Variants in HIRA observed in about 807,000 individuals in gnomAD.
HIRA encodes the protein protein HIRA.
A neutral mutation model predicts 126.6 loss-of-function variants in HIRA; 13 were observed. That is an observed-to-expected ratio of 0.10 (90% CI 0.07 to 0.16). The LOEUF is 0.16. Ranked by LOEUF, HIRA falls within the 10% of genes least tolerant of loss-of-function variation. The pLI, the probability that HIRA is intolerant of heterozygous loss-of-function variation, is 1.00. For synonymous variants in HIRA, 511 were observed against 520.0 expected, an observed-to-expected ratio of 0.98 and a Z score of 0.24; for missense variants, 834 against 1,314.4, an observed-to-expected ratio of 0.63 and a Z score of 5.65.
At chr22:19,358,127 G>C (rs1734107102) in intron 18 of HIRA, among the ~76,000 whole-genome samples, 1 of 152,228 alleles carries the variant, frequency 6.6e-6, no homozygotes, top group African/African-American at 2.4e-5. Flanking sequence ...AGCCTCCCGA[G>C]TAGCTGGGAT....
chr22:19,391,918 A>T (rs1473482748), intron 9 of HIRA, among the ~76,000 whole-genome samples, 183 bp downstream of exon 9: 1 of 152,214 alleles, frequency 6.6e-6, no homozygotes, highest in African/African-American at 2.4e-5. Context: ...GCACAGACCC[A>T]GTCTTCAGCA....
At position 19,383,624 on chromosome 22, in the gene HIRA, T is replaced by C. The variant is rs1342483652; in HGVS notation, c.1411A>G (p.Thr471Ala). 1.9e-6 allele frequency: 3 copies of C among 1,612,082 alleles called. No individual in the cohort carries two copies. The African/African-American group carries it at 4.0e-5, about 22-fold the overall frequency. Residue 471 changes from threonine (T) to alanine (A), a missense_variant, in exon 13 of 25, where the codon ACT becomes GCT. Physicochemically the swap from Thr to Ala is moderately conservative, Grantham distance 58. Transcript: ENST00000263208. ...GAAAGGGGAATGAACCAGTACCCAG[T>C]GTCCAGCTGTGCTATGCAGAGAGGC... ...ITPLCIAQLD[T>A]GDFSTAFFNS...
At chr22:19,414,822 G>C (rs2089382461) in intron 1 of HIRA, among the ~76,000 whole-genome samples, 1 of 152,218 alleles carries the variant, frequency 6.6e-6, no homozygotes, top group South Asian at 2.1e-4. Flanking sequence ...AGGAGTTTGA[G>C]ACCAGCCTGA....
chr22:19,404,778 A>C (rs2089295384), intron 5 of HIRA, among the ~76,000 whole-genome samples: 1 of 152,118 alleles, frequency 6.6e-6, no homozygotes, highest in Non-Finnish European at 1.5e-5. Context: ...TGTTGTCCTT[A>C]GGGTCTCAGC....
intron 1 of HIRA, among the ~76,000 whole-genome samples, chr22:19,413,904 C>T (rs906526388): frequency 2.0e-4 from 31 of 152,136 alleles, no homozygotes; most frequent in African/African-American, 7.0e-4. Flanking sequence ...TCCCGGCCAC[C>T]GTGCCCGGCC....
intron 15 of HIRA, among the ~76,000 whole-genome samples, chr22:19,367,989 CTG>C (rs2088929227): frequency 6.6e-6 from 1 of 152,194 alleles, no homozygotes; most frequent in Admixed American, 6.5e-5. Flanking sequence ...TCTCATAATG[CTG>C]TGTTAAACAT....
intron 1 of HIRA, 145 bp from the exon 2 acceptor site, chr22:19,410,923 C>T: frequency 2.8e-6 from 2 of 706,566 alleles, no homozygotes; most frequent in Non-Finnish European, 4.9e-6. Context: ...TGGGAGAAAG[C>T]ATTCCATCAC....
intron 13 of HIRA, among the ~76,000 whole-genome samples, chr22:19,381,286 C>G (rs2089071125): frequency 6.6e-6 from 1 of 152,182 alleles, no homozygotes; most frequent in Non-Finnish European, 1.5e-5. Flanking sequence ...AGTTGATTCT[C>G]TTATAAACCA....
In HIRA at chr22:19,351,678, G is replaced by T. The variant is rs549176337; in HGVS notation, c.2849-232C>A. ...TCACTTGCTCACTCCCCTGACATCT[G>T]TAGTGCCTCCTCTGTGTGTTGGGCC... On this transcript the variant is annotated intron_variant, in intron 23 of 24. Transcript: ENST00000263208. The surrounding 1 kb of genome is among the most constrained non-coding windows in gnomAD (Gnocchi z 4.8). Among the ~76,000 whole-genome samples the T allele has an allele frequency of 6.6e-6, 1 of 152,162 alleles. No homozygotes were observed. Among genetic ancestry groups the T allele is most frequent in the Non-Finnish European group, 1.5e-5 (1 of 68,036 alleles).
At chr22:19,391,417 A>G (rs1022841481) in intron 9 of HIRA, among the ~76,000 whole-genome samples, 3 of 152,088 alleles carry the variant, frequency 2.0e-5, no homozygotes, top group Non-Finnish European at 4.4e-5. Flanking sequence ...GTGTGTAAAC[A>G]TGTATGACAA....
intron 24 of HIRA, among the ~76,000 whole-genome samples, chr22:19,349,725 G>A (rs1225903761): frequency 1.3e-5 from 2 of 152,144 alleles, no homozygotes; most frequent in Non-Finnish European, 2.9e-5. Flanking sequence ...GTACACCACA[G>A]TCAAATTTAA....
chr22:19,407,756 C>T (rs753625498), intron 3 of HIRA, among the ~76,000 whole-genome samples: 9 of 152,204 alleles, frequency 5.9e-5, no homozygotes, highest in Admixed American at 2.6e-4. Flanking sequence ...CTGTCACATT[C>T]GGATTTTCCA....
At chr22:19,356,708 C>T (rs2088815734) in intron 19 of HIRA, among the ~76,000 whole-genome samples, 182 bp downstream of exon 19, 1 of 152,058 alleles carries the variant, frequency 6.6e-6, no homozygotes, top group South Asian at 2.1e-4. Flanking sequence ...GCACACTACC[C>T]CTCAGCCCTC....
intron 15 of HIRA, among the ~76,000 whole-genome samples, chr22:19,370,172 C>T (rs1331089212): frequency 6.6e-6 from 1 of 152,028 alleles, no homozygotes; most frequent in African/African-American, 2.4e-5. Flanking sequence ...AGGCTGGTCT[C>T]CAACTCCTAA....
chr22:19,410,372 T>A (rs1380218098), intron 2 of HIRA, among the ~76,000 whole-genome samples: 1 of 152,162 alleles, frequency 6.6e-6, no homozygotes, highest in South Asian at 2.1e-4. Flanking sequence ...ATGAGAAAAA[T>A]GCTGACAGAG....
chr22:19,396,705 CCAGCTCCCTCT>C, intron 7 of HIRA, 71 bp downstream of exon 7: 2 of 1,478,728 alleles, frequency 1.4e-6, no homozygotes, highest in South Asian at 2.4e-5. Context: ...TGGCCCATGG[CCAGCTCCCTCT>C]CTGTACACAG....
intron 11 of HIRA, 62 bp from the exon 12 acceptor site, chr22:19,385,798 A>C: frequency 2.7e-6 from 4 of 1,491,988 alleles, no homozygotes; most frequent in Non-Finnish European, 3.7e-6. Context: ...AGTGCTGCCC[A>C]CCAGCAGGCA....
intron 3 of HIRA, among the ~76,000 whole-genome samples, chr22:19,407,606 T>C (rs2089318596): frequency 6.6e-6 from 1 of 152,246 alleles, no homozygotes; most frequent in Admixed American, 6.5e-5. Context: ...CATCTATTAA[T>C]GAGACACATT....
At chr22:19,401,305 G>A (rs763610098) in intron 5 of HIRA, among the ~76,000 whole-genome samples, 1 of 152,122 alleles carries the variant, frequency 6.6e-6, no homozygotes, top group Non-Finnish European at 1.5e-5. Flanking sequence ...CCGTTTTGTT[G>A]TTGTTGCTGA....
Sources: allele counts gnomAD v4.1 joint callset (sites outside exome capture counted in the v4.1 genomes callset), GRCh38; gene constraint gnomAD v4.1.1; non-coding constraint Gnocchi (gnomAD v3.1); transcripts MANE v1.5; gene names NCBI Gene and HGNC (gene_info 2026-07-23, HGNC 2026-07-21).